The following ANK2 variants were observed in gnomAD, a reference collection of about 807,000 sequenced individuals.
ANK2 encodes the protein ankyrin-2.
Under a neutral mutation model 360.5 loss-of-function variants are expected in ANK2, and 83 were observed. That is an observed-to-expected ratio of 0.23 (90% CI 0.19 to 0.28). The LOEUF is 0.28. Among genes scored for constraint, ANK2 ranks in the 10% least tolerant of loss-of-function variants. The pLI is 1.00. For synonymous variants in ANK2, 1,740 were observed against 1,759.5 expected, an observed-to-expected ratio of 0.99 and a Z score of 0.28; for missense variants, 4,201 against 4,795.7, an observed-to-expected ratio of 0.88 and a Z score of 3.66.
chr4:113,206,811 G>T (rs2098955636), intron 4 of ANK2, among the ~76,000 whole-genome samples: 1 of 152,194 alleles, frequency 6.6e-6, no homozygotes, highest in African/African-American at 2.4e-5. Context: ...ATCACTTAAG[G>T]TCAGGAGTTC....
chr4:113,061,711 G>A (rs1161106105), intron 1 of ANK2, among the ~76,000 whole-genome samples: 1 of 152,040 alleles, frequency 6.6e-6, no homozygotes, highest in Non-Finnish European at 1.5e-5. Context: ...GATATTTGAA[G>A]TATCTTCAAT....
intron 2 of ANK2, among the ~76,000 whole-genome samples, chr4:112,920,710 T>G (rs2091247628): frequency 6.6e-6 from 1 of 152,192 alleles, no homozygotes. Flanking sequence ...TTGCTTACTT[T>G]CCTTATATAG....
At chr4:113,365,273 CT>C (rs552866131) in intron 41 of ANK2, 91 bp downstream of exon 41, 60,882 of 960,708 alleles carry the variant, frequency 0.063, no homozygotes, top group East Asian at 0.086. Context: ...GACCTACTGT[CT>C]TTTTTTTTTT....
intron 1 of ANK2, among the ~76,000 whole-genome samples, chr4:113,096,724 CATT>C (rs1271344788): frequency 6.6e-6 from 1 of 151,942 alleles, no homozygotes; most frequent in African/African-American, 2.4e-5. Flanking sequence ...TTGTTGTTAT[CATT>C]ATTATTTTAT....
the ANK2 span, among the ~76,000 whole-genome samples, chr4:112,736,606 T>C: frequency 6.6e-6 from 1 of 152,232 alleles, no homozygotes; most frequent in Non-Finnish European, 1.5e-5. Flanking sequence ...CCCTTCACAA[T>C]GGCAGATTTC....
chr4:112,802,120 T>C, the ANK2 span, among the ~76,000 whole-genome samples: 1 of 151,794 alleles, frequency 6.6e-6, no homozygotes, highest in African/African-American at 2.4e-5. Context: ...ACAGGAGGAG[T>C]GGCAGGTTTC....
the ANK2 span, among the ~76,000 whole-genome samples, chr4:112,783,871 G>A: frequency 2.0e-5 from 3 of 151,848 alleles, no homozygotes; most frequent in African/African-American, 7.3e-5. Context: ...GGATGGTCTC[G>A]ATCTCCTGAC....
chr4:113,151,357 C>A, intron 1 of ANK2: 1 of 316,946 alleles, frequency 3.2e-6, no homozygotes, highest in South Asian at 3.0e-5. Flanking sequence ...AGCATTGCAC[C>A]AGCATCTGCT....
chr4:113,042,143 G>A (rs142807898), intron 2 of ANK2, among the ~76,000 whole-genome samples: 12 of 152,236 alleles, frequency 7.9e-5, no homozygotes, highest in African/African-American at 2.6e-4. Flanking sequence ...CATTGAAGGC[G>A]CAGATAGAAC....
At chr4:113,333,252 C>A (rs757766690) in intron 29 of ANK2, 44 bp downstream of exon 29, 1 of 1,608,568 alleles carries the variant, frequency 6.2e-7, no homozygotes, top group Non-Finnish European at 8.5e-7. Context: ...AAACTGGAAG[C>A]ATGAAAATGA....
the ANK2 span, among the ~76,000 whole-genome samples, chr4:112,741,060 C>A: frequency 1.6e-4 from 25 of 151,638 alleles, no homozygotes; most frequent in Admixed American, 2.6e-4. Flanking sequence ...TAACTCCTTG[C>A]CTAAAGTGAT....
intron 2 of ANK2, among the ~76,000 whole-genome samples, chr4:112,949,773 A>G (rs1268813893): frequency 6.6e-6 from 1 of 152,236 alleles, no homozygotes; most frequent in African/African-American, 2.4e-5. Flanking sequence ...GGTAAGAAAC[A>G]AACAGGAAAA....
chr4:112,862,987 GCA>G (rs1391126283), intron 1 of ANK2, among the ~76,000 whole-genome samples: 1 of 152,114 alleles, frequency 6.6e-6, no homozygotes, highest in Non-Finnish European at 1.5e-5. Context: ...AATATGTTGT[GCA>G]CCCTTAGTGA....
chr4:112,925,520 T>C (rs1402188340), intron 2 of ANK2, among the ~76,000 whole-genome samples: 1 of 152,182 alleles, frequency 6.6e-6, no homozygotes, highest in African/African-American at 2.4e-5. Flanking sequence ...AAAATTTCAC[T>C]TGGTTGAAAA....
rs60144363 is a variant in ANK2 at position 113,117,498 on chromosome 4, T to A, written c.85-56918T>A. On this transcript the variant is annotated intron_variant, in intron 1 of 45. Coordinates refer to ENST00000357077, the MANE Select transcript of ANK2 (RefSeq NM_001148.6). ...AGCCTCAGAACTGGCAACTTCATCC[T>A]CCCTTCCTTCCATCATTCCCCTGCA... 768 of 436,368 alleles carry A rather than the reference T, an allele frequency of 1.8e-3. 6 individuals are homozygous for A. Among genetic ancestry groups the A allele is most frequent in the African/African-American group, 0.014 (704 of 49,230 alleles). 27.0% of individuals were successfully genotyped at this position (436,368 alleles called of 1,614,324 possible). A position where few individuals can be genotyped will look rare whatever the true frequency, so the allele number is the denominator to read the frequency against.
At chr4:112,762,058 A>C in the ANK2 span, among the ~76,000 whole-genome samples, 2 of 152,236 alleles carry the variant, frequency 1.3e-5, no homozygotes, top group Admixed American at 1.3e-4. Context: ...TTTGCTGGGC[A>C]TGGGGAACAG....
chr4:112,895,327 A>G (rs2081403917), intron 1 of ANK2, among the ~76,000 whole-genome samples: 1 of 152,204 alleles, frequency 6.6e-6, no homozygotes, highest in South Asian at 2.1e-4. Context: ...CACTCACCAT[A>G]AAGCCTTTTA....
intron 32 of ANK2, 62 bp from the exon 33 acceptor site, chr4:113,341,626 G>C (rs2094312833): frequency 4.5e-6 from 7 of 1,546,756 alleles, no homozygotes; most frequent in Non-Finnish European, 6.2e-6. Context: ...TGAAGGAACT[G>C]ATTTTATTTT....
intron 1 of ANK2, among the ~76,000 whole-genome samples, chr4:112,887,895 T>G (rs893910581): frequency 2.0e-5 from 3 of 152,178 alleles, no homozygotes; most frequent in Non-Finnish European, 4.4e-5. Flanking sequence ...ACTTAATAAG[T>G]ACTTATTAAA....
Sources: gnomAD v4.1 joint callset for allele counts (sites outside exome capture counted in the v4.1 genomes callset) on GRCh38, gnomAD v4.1.1 for gene constraint, MANE v1.5 for transcripts, NCBI Gene and HGNC (gene_info 2026-07-23, HGNC 2026-07-21) for gene names.